Variants in FUT8 observed in about 807,000 individuals in gnomAD.
FUT8 encodes fucosyltransferase 8.
FUT8 carries 29 observed loss-of-function variants against 71.3 expected under a neutral mutation model. That is an observed-to-expected ratio of 0.41 (90% CI 0.30 to 0.55). The LOEUF (loss-of-function observed/expected upper bound fraction) is 0.55. Among genes scored for constraint, FUT8 ranks in the 20% least tolerant of loss-of-function variants. The probability of loss-of-function intolerance (pLI) is 0.34; values close to 1 mark genes in which losing one functional copy is unlikely to be tolerated. For missense variants in FUT8, 544 were observed against 702.1 expected, an observed-to-expected ratio of 0.77 and a Z score of 2.55; for synonymous variants, 254 against 239.3, an observed-to-expected ratio of 1.06 and a Z score of -0.57.
At chr14:65,535,111 A>AT (rs1008072527) in intron 2 of FUT8, among the ~76,000 whole-genome samples, 7 of 149,652 alleles carry the variant, frequency 4.7e-5, no homozygotes, top group South Asian at 2.1e-4. Context: ...ATTTTATTTT[A>AT]TTTTTTTTGA....
intron 2 of FUT8, among the ~76,000 whole-genome samples, chr14:65,471,373 A>C (rs1013232225): frequency 1.3e-5 from 2 of 152,006 alleles, no homozygotes; most frequent in Admixed American, 6.5e-5. Flanking sequence ...AATACCTTTT[A>C]AGAGAAATAA....
chr14:65,467,913 A>AC lies in FUT8; in HGVS notation c.-228+12198dup. On this transcript the variant is annotated intron_variant, in intron 2 of 10. Transcript: ENST00000673929. The surrounding 1 kb of genome is among the most constrained non-coding windows in gnomAD (Gnocchi z 4.1). ...TGGAGCAGGCTGGTGCTTCAGTAGA[A>AC]CCCGGGTACCTTTCTCTTTGGCTTC... 1.4e-6 allele frequency: 1 copy of AC among 737,098 alleles called. No homozygotes were observed. Among genetic ancestry groups the AC allele is most frequent in the Non-Finnish European group, 2.5e-6 (1 of 393,332 alleles). 45.7% of individuals were successfully genotyped at this position (737,098 alleles called of 1,614,324 possible). A position where few individuals can be genotyped will look rare whatever the true frequency, so the allele number is the denominator to read the frequency against.
chr14:65,498,152 G>C (rs1056714260), intron 2 of FUT8, among the ~76,000 whole-genome samples: 12 of 152,170 alleles, frequency 7.9e-5, no homozygotes, highest in African/African-American at 2.9e-4. Context: ...ATTCTTTTGA[G>C]TTTTATCTTT....
intron 2 of FUT8, among the ~76,000 whole-genome samples, chr14:65,523,984 T>C (rs1274018200): frequency 6.6e-6 from 1 of 152,232 alleles, no homozygotes; most frequent in Non-Finnish European, 1.5e-5. Flanking sequence ...AGCCTTGTAG[T>C]ATAGTTTGAT....
intron 9 of FUT8, among the ~76,000 whole-genome samples, chr14:65,731,200 T>A (rs1024051966): frequency 2.0e-5 from 3 of 152,144 alleles, no homozygotes; most frequent in African/African-American, 7.2e-5. Flanking sequence ...AGGTAGACAA[T>A]ATACATGTAA....
rs533780722 is a variant in FUT8, at chr14:65,573,633, G to A, written c.203+11867G>A. 1.1e-4 allele frequency among the ~76,000 whole-genome samples: 17 copies of A among 151,880 alleles called. No individual in the cohort carries two copies. In the South Asian group the frequency reaches 3.1e-3, roughly 28 times the overall value. ...AGCTGCTAGGAAAGCTGAGGCAAGA[G>A]GATCACTTGAGTCCAGGAGTTCCAG... is the stretch of plus-strand genomic sequence containing the variant. On this transcript the variant is annotated intron_variant, in intron 3 of 10. Transcript: ENST00000673929.
At chr14:65,551,534 G>A (rs750332812) in intron 2 of FUT8, among the ~76,000 whole-genome samples, 4 of 152,092 alleles carry the variant, frequency 2.6e-5, no homozygotes, top group African/African-American at 4.8e-5. Flanking sequence ...TAGATCTTAC[G>A]TAAAGTATTC....
chr14:65,712,775 A>T (rs1025108532), intron 7 of FUT8, among the ~76,000 whole-genome samples: 11 of 152,076 alleles, frequency 7.2e-5, no homozygotes, highest in African/African-American at 2.7e-4. Context: ...TAATTTTTGA[A>T]AAAATTCTGT....
intron 3 of FUT8, among the ~76,000 whole-genome samples, chr14:65,602,806 A>G (rs1411422257): frequency 6.6e-6 from 1 of 151,896 alleles, no homozygotes; most frequent in African/African-American, 2.4e-5. Context: ...TCTTTTGGAC[A>G]TTTGTGTATC....
At chr14:65,715,413 C>A (rs2139327128) in intron 7 of FUT8, among the ~76,000 whole-genome samples, 1 of 152,288 alleles carries the variant, frequency 6.6e-6, no homozygotes, top group East Asian at 1.9e-4. Context: ...ATCCTTGCAT[C>A]TCTGGGATAA....
intron 7 of FUT8, among the ~76,000 whole-genome samples, chr14:65,696,346 T>C (rs1453740866): frequency 6.6e-6 from 1 of 152,184 alleles, no homozygotes; most frequent in Non-Finnish European, 1.5e-5. Flanking sequence ...GGTGGTTTTA[T>C]TCTTTCAAAG....
chr14:65,582,651 C>T (rs926923100), intron 3 of FUT8, among the ~76,000 whole-genome samples: 1 of 152,160 alleles, frequency 6.6e-6, no homozygotes, highest in African/African-American at 2.4e-5. Flanking sequence ...ATGGCCTGCT[C>T]CTGTCATTGT....
chr14:65,363,737 T>G, the FUT8 span, among the ~76,000 whole-genome samples: 1 of 152,210 alleles, frequency 6.6e-6, no homozygotes, highest in East Asian at 1.9e-4. Flanking sequence ...CACACCCTTT[T>G]GTCCTATCTC....
chr14:65,527,667 C>T (rs1027444878), intron 2 of FUT8, among the ~76,000 whole-genome samples: 1 of 152,068 alleles, frequency 6.6e-6, no homozygotes, highest in Non-Finnish European at 1.5e-5. Context: ...GTTTTTTCCC[C>T]ATCTTTGTGG....
intron 2 of FUT8, among the ~76,000 whole-genome samples, chr14:65,481,878 T>C (rs1349787211): frequency 1.3e-5 from 2 of 152,218 alleles, no homozygotes; most frequent in African/African-American, 4.8e-5. Flanking sequence ...CAAAGTTGTT[T>C]ATAAGATACG....
At chr14:65,709,574 G>A (rs1894717452) in intron 7 of FUT8, among the ~76,000 whole-genome samples, 1 of 152,138 alleles carries the variant, frequency 6.6e-6, no homozygotes, top group Non-Finnish European at 1.5e-5. Context: ...CAGGTACTGT[G>A]AATTTTATAC....
At position 65,611,303 on chromosome 14, in the gene FUT8, C is replaced by CACACA. The variant is rs1566851612; in HGVS notation, c.204-4675_204-4674insACACA. 1.1e-3 allele frequency among the ~76,000 whole-genome samples: 46 copies of CACACA among 42,570 alleles called. 9 individuals are homozygous for CACACA. The highest frequency in any genetic ancestry group is 5.2e-3 in the African/African-American group (44 of 8,542). 27.9% of individuals were successfully genotyped at this position (42,570 alleles called of 152,430 possible). On this transcript the variant is annotated intron_variant, in intron 3 of 10. Transcript: ENST00000673929. Reference sequence around the variant, plus strand: ...CACACACACACACACACACACACACCCCCCAAGTAATAGCCTTGATTTTGC... The same window carrying CACACA: ...CACACACACACACACACACACACACCACACACCCCAAGTAATAGCCTTGATTTTGC...
At chr14:65,692,445 C>T (rs71425352) in intron 7 of FUT8, among the ~76,000 whole-genome samples, 2,316 of 47,632 alleles carry the variant, frequency 0.049, 51 homozygotes, top group East Asian at 0.22. Context: ...GGCGGCTGGC[C>T]GGGCGGGGGG....
chr14:65,490,919 T>C (rs1342658104), intron 2 of FUT8, among the ~76,000 whole-genome samples: 1 of 152,128 alleles, frequency 6.6e-6, no homozygotes, highest in Non-Finnish European at 1.5e-5. Flanking sequence ...CACCACAGTT[T>C]TACAGTGTTA....
Sources: allele counts gnomAD v4.1 joint callset (sites outside exome capture counted in the v4.1 genomes callset), GRCh38; gene constraint gnomAD v4.1.1; non-coding constraint Gnocchi (gnomAD v3.1); transcripts MANE v1.5; gene names NCBI Gene and HGNC (gene_info 2026-07-23, HGNC 2026-07-21).